Variants in DGKB observed in about 807,000 individuals in gnomAD.
The protein encoded by DGKB is 90 kDa diacylglycerol kinase.
In DGKB, 67 loss-of-function variants were observed where a neutral mutation model predicts 114.3. The ratio of observed to expected loss-of-function variants is 0.59; its 90% CI spans 0.48 to 0.72. DGKB has a LOEUF of 0.72. Among genes scored for constraint, DGKB ranks in the 30% least tolerant of loss-of-function variants. The pLI is 0.00. For missense variants in DGKB, 907 were observed against 975.2 expected (o/e 0.93, Z 0.93); for synonymous variants, 398 against 323.1 (o/e 1.23, Z -2.49).
chr7:14,217,853 C>A lies in DGKB; in HGVS notation c.2123-39702G>T, dbSNP rs539982493. Among the ~76,000 whole-genome samples the A allele has an allele frequency of 3.0e-4, 46 of 152,146 alleles. No homozygotes were observed. The South Asian group carries it at 9.5e-3, about 32-fold the overall frequency. On this transcript the variant is annotated intron_variant, in intron 23 of 25. Transcript: ENST00000402815. ...ACTCTCCATCTTTCTCACTTTTTAT[C>A]TTTTCTTTCTTTGTCCATTGAAGTC...
intron 13 of DGKB, among the ~76,000 whole-genome samples, chr7:14,640,296 A>G (rs931391443): frequency 3.9e-5 from 6 of 152,226 alleles, no homozygotes; most frequent in Non-Finnish European, 4.4e-5. Flanking sequence ...ATTAAGGCAG[A>G]GAATACTAGA....
intron 23 of DGKB, among the ~76,000 whole-genome samples, chr7:14,323,290 C>G (rs1033246966): frequency 1.3e-5 from 2 of 152,042 alleles, no homozygotes; most frequent in African/African-American, 4.8e-5. Context: ...GGCAAGTGAA[C>G]TAGGGGTTTC....
At chr7:14,531,392 A>T (rs1180053866) in intron 20 of DGKB, among the ~76,000 whole-genome samples, 1 of 151,506 alleles carries the variant, frequency 6.6e-6, no homozygotes, top group Non-Finnish European at 1.5e-5. Context: ...CAGAAAAATT[A>T]ACTATTTCTA....
At chr7:14,260,493 G>A (rs184923512) in intron 23 of DGKB, among the ~76,000 whole-genome samples, 2 of 152,100 alleles carry the variant, frequency 1.3e-5, no homozygotes, top group Non-Finnish European at 2.9e-5. Context: ...ACCTCAATAA[G>A]GCTGTTGTTC....
chr7:14,456,194 T>C (rs945649995), intron 21 of DGKB, among the ~76,000 whole-genome samples: 7 of 152,062 alleles, frequency 4.6e-5, no homozygotes, highest in Non-Finnish European at 1.0e-4. Flanking sequence ...GTTTTGTGTT[T>C]TGTGATAGAC....
chr7:14,796,632 A>G (rs914214748), intron 2 of DGKB, among the ~76,000 whole-genome samples: 1 of 151,864 alleles, frequency 6.6e-6, no homozygotes, highest in Non-Finnish European at 1.5e-5. Flanking sequence ...AGCAAAGATC[A>G]TTGTAACAGT....
intron 3 of DGKB, among the ~76,000 whole-genome samples, chr7:14,754,862 G>A (rs974405729): frequency 1.3e-5 from 2 of 152,100 alleles, no homozygotes; most frequent in Admixed American, 6.6e-5. Context: ...GTCTTCCCAT[G>A]CCTTCCCCTA....
intron 1 of DGKB, among the ~76,000 whole-genome samples, chr7:14,940,558 A>C (rs7796540): frequency 0.14 from 21,731 of 152,116 alleles, 1,630 homozygotes; most frequent in Admixed American, 0.2. Flanking sequence ...TTGAGGTCAC[A>C]CAAAAACAAC....
At chr7:14,689,895 G>GA (rs1309534013) in intron 9 of DGKB, among the ~76,000 whole-genome samples, 13 of 152,102 alleles carry the variant, frequency 8.5e-5, no homozygotes, top group Admixed American at 1.3e-4. Flanking sequence ...TGAGAGTCAA[G>GA]AAAAAAATGT....
At chr7:14,646,318 G>T (rs953156725) in intron 13 of DGKB, among the ~76,000 whole-genome samples, 1 of 152,212 alleles carries the variant, frequency 6.6e-6, no homozygotes, top group East Asian at 1.9e-4. Flanking sequence ...TCAGTAAGAG[G>T]ATATAACAAT....
intron 21 of DGKB, among the ~76,000 whole-genome samples, chr7:14,364,397 G>GAAAAA (rs61170373): frequency 0.031 from 4,515 of 146,988 alleles, 95 homozygotes; most frequent in South Asian, 0.11. Context: ...GAAAGCAAAG[G>GAAAAA]AAAAAAAAAG....
At chr7:14,588,892 T>C (rs1487189308) in intron 17 of DGKB, among the ~76,000 whole-genome samples, 1 of 152,062 alleles carries the variant, frequency 6.6e-6, no homozygotes, top group Non-Finnish European at 1.5e-5. Context: ...TTTAAACTCA[T>C]CATATTTCAC....
intron 13 of DGKB, among the ~76,000 whole-genome samples, chr7:14,672,056 G>A (rs934054666): frequency 1.3e-5 from 2 of 151,722 alleles, no homozygotes; most frequent in African/African-American, 2.4e-5. Context: ...TGAAATAAAG[G>A]CATTTAAAAT....
chr7:14,791,808 C>T (rs895235636), intron 2 of DGKB, among the ~76,000 whole-genome samples: 1 of 152,092 alleles, frequency 6.6e-6, no homozygotes, highest in South Asian at 2.1e-4. Context: ...TTATGTATTC[C>T]TGAATTCTAC....
chr7:14,750,697 T>C (rs925165987), intron 4 of DGKB, among the ~76,000 whole-genome samples: 5 of 152,112 alleles, frequency 3.3e-5, no homozygotes, highest in African/African-American at 1.2e-4. Context: ...AAACTTAAAA[T>C]TCGTAGACAT....
At chr7:14,550,418 T>A (rs776602438) in intron 20 of DGKB, among the ~76,000 whole-genome samples, 6 of 152,170 alleles carry the variant, frequency 3.9e-5, no homozygotes, top group Admixed American at 6.5e-5. Flanking sequence ...AATCTTTTTG[T>A]GATTGGTAAT....
intron 1 of DGKB, among the ~76,000 whole-genome samples, chr7:14,909,430 T>C (rs960914758): frequency 6.6e-6 from 1 of 152,162 alleles, no homozygotes; most frequent in African/African-American, 2.4e-5. Flanking sequence ...ATGCACGCAC[T>C]ATATTACTGG....
At chr7:14,169,052 A>G (rs911177193) in intron 25 of DGKB, among the ~76,000 whole-genome samples, 1 of 152,120 alleles carries the variant, frequency 6.6e-6, no homozygotes, top group Non-Finnish European at 1.5e-5. Flanking sequence ...CATAGGTAAG[A>G]CTAGATGAAA....
At chr7:14,177,412 A>G (rs994578066) in intron 24 of DGKB, among the ~76,000 whole-genome samples, 3 of 151,920 alleles carry the variant, frequency 2.0e-5, no homozygotes, top group Non-Finnish European at 4.4e-5. Flanking sequence ...AAAATTAGCC[A>G]GGATGTGTTG....
Sources: gnomAD v4.1 joint callset for allele counts (sites outside exome capture counted in the v4.1 genomes callset) on GRCh38, gnomAD v4.1.1 for gene constraint, MANE v1.5 for transcripts, NCBI Gene and HGNC (gene_info 2026-07-23, HGNC 2026-07-21) for gene names.